RBM17: variants seen among roughly 807,000 people sequenced by gnomAD.
RBM17 encodes the protein splicing factor 45.
In RBM17, 7 loss-of-function variants were observed where a neutral mutation model predicts 53.2. The ratio of observed to expected loss-of-function variants is 0.13; its 90% CI spans 0.07 to 0.25. The LOEUF is 0.25. Ranked by LOEUF, RBM17 falls within the 10% of genes least tolerant of loss-of-function variation. The probability of loss-of-function intolerance (pLI) is 1.00; values close to 1 mark genes in which losing one functional copy is unlikely to be tolerated. For synonymous variants in RBM17, 167 were observed against 178.1 expected, an observed-to-expected ratio of 0.94 and a Z score of 0.50; for missense variants, 257 against 496.7, an observed-to-expected ratio of 0.52 and a Z score of 4.59.
intron 7 of RBM17, among the ~76,000 whole-genome samples, chr10:6,111,467 G>A (rs1840836492): frequency 6.6e-6 from 1 of 152,248 alleles, no homozygotes; most frequent in Non-Finnish European, 1.5e-5. Context: ...AGCCTGCCAA[G>A]TAGCTGGGAC....
At chr10:6,108,466 G>C in intron 5 of RBM17, 1 of 498,758 alleles carries the variant, frequency 2.0e-6, no homozygotes, top group Non-Finnish European at 3.6e-6. Context: ...TTTTATGAAG[G>C]AACAATTTTG....
At chr10:6,098,563 G>GTCTTTTTTTTT (rs1554834988) in intron 2 of RBM17, among the ~76,000 whole-genome samples, 1 of 46,642 alleles carries the variant, frequency 2.1e-5, no homozygotes. Context: ...CAGGTTTTTT[G>GTCTTTTTTTTT]TTTTTTTTTT....
rs572609819 is a variant in RBM17, at chr10:6,096,738, A to G, written c.-18-310A>G. Among the ~76,000 whole-genome samples, 20 of 152,304 alleles carry G rather than the reference A, an allele frequency of 1.3e-4. No individual in the cohort carries two copies. In the South Asian group the frequency reaches 4.1e-3, roughly 32 times the overall value. On this transcript the variant is annotated intron_variant, in intron 1 of 11. Coordinates refer to ENST00000379888, the MANE Select transcript of RBM17 (RefSeq NM_032905.5). ...AAATAGAATTTTTTAAAAATTGGATATATGTAATTAATAATGTTCCAATTC... is the reference window on the plus strand; with the variant it reads ...AAATAGAATTTTTTAAAAATTGGATGTATGTAATTAATAATGTTCCAATTC...
intron 5 of RBM17, among the ~76,000 whole-genome samples, chr10:6,106,614 A>G (rs1283483984): frequency 6.6e-6 from 1 of 152,188 alleles, no homozygotes; most frequent in East Asian, 1.9e-4. Context: ...ATTGTGACAC[A>G]TTTCATATCC....
chr10:6,108,421 C>G (rs965981632), intron 5 of RBM17: 35 of 457,732 alleles, frequency 7.6e-5, no homozygotes, highest in Non-Finnish European at 1.2e-4. Context: ...CCTTAAAATT[C>G]ATTTGCAGAC....
chr10:6,096,352 G>T (rs1840574407), intron 1 of RBM17, among the ~76,000 whole-genome samples: 1 of 152,160 alleles, frequency 6.6e-6, no homozygotes, highest in Non-Finnish European at 1.5e-5. Flanking sequence ...ATGCTGCATT[G>T]CATGTCATGC....
At chr10:6,098,746 C>G (rs1840623186) in intron 2 of RBM17, among the ~76,000 whole-genome samples, 1 of 152,002 alleles carries the variant, frequency 6.6e-6, no homozygotes, top group East Asian at 1.9e-4. Flanking sequence ...TGCGGTGTTT[C>G]ACCTTGTAAG....
chr10:6,091,031 T>TTATATATTTG (rs1554834370), intron 1 of RBM17, among the ~76,000 whole-genome samples: 1 of 145,516 alleles, frequency 6.9e-6, no homozygotes, highest in Non-Finnish European at 1.5e-5. Flanking sequence ...TTATATATAT[T>TTATATATTTG]TATATATTTT....
At chr10:6,096,411 C>T (rs1840575436) in intron 1 of RBM17, among the ~76,000 whole-genome samples, 1 of 152,166 alleles carries the variant, frequency 6.6e-6, no homozygotes, top group Non-Finnish European at 1.5e-5. Flanking sequence ...CTCTGTTCTG[C>T]ACGGAAGCTG....
rs959197414 is a variant in RBM17 at position 6,103,282 on chromosome 10, G to A, written c.241-1649G>A. ...TACCCCATCCTCCCCCCTCAGCATT[G>A]AGGGTATTAACATTTTAATTTTTTT... On this transcript the variant is annotated intron_variant, in intron 3 of 11. Transcript: ENST00000379888. Among the ~76,000 whole-genome samples, 3 of 152,136 alleles carry A rather than the reference G, an allele frequency of 2.0e-5. No individual in the cohort carries two copies. The South Asian group carries it at 6.2e-4, about 31-fold the overall frequency.
chr10:6,091,589 T>C (rs994546321), intron 1 of RBM17, among the ~76,000 whole-genome samples: 1 of 152,242 alleles, frequency 6.6e-6, no homozygotes, highest in African/African-American at 2.4e-5. Flanking sequence ...AAAGCAGATC[T>C]GCAGATCTCA....
chr10:6,106,628 A>C (rs570468085), intron 5 of RBM17, among the ~76,000 whole-genome samples: 1 of 152,184 alleles, frequency 6.6e-6, no homozygotes, highest in Non-Finnish European at 1.5e-5. Context: ...CATATCCGCT[A>C]TCTTAGTTAA....
chr10:6,093,617 T>C (rs41295131), intron 1 of RBM17, among the ~76,000 whole-genome samples: 3,883 of 152,352 alleles, frequency 0.025, 105 homozygotes, highest in South Asian at 0.11. Context: ...CGAAGTTTAA[T>C]GGGCATTTGG....
intron 1 of RBM17, among the ~76,000 whole-genome samples, chr10:6,093,700 G>T (rs925735034): frequency 6.6e-6 from 1 of 152,140 alleles, no homozygotes; most frequent in Non-Finnish European, 1.5e-5. Context: ...AAAGAGAAAT[G>T]GGTTGAGTAT....
chr10:6,096,694 T>C (rs1404341432), intron 1 of RBM17, among the ~76,000 whole-genome samples: 10 of 152,220 alleles, frequency 6.6e-5, no homozygotes, highest in Non-Finnish European at 2.9e-5. Context: ...GTAAAGCTTC[T>C]ACTTTTTGGC....
intron 3 of RBM17, among the ~76,000 whole-genome samples, chr10:6,104,288 A>G (rs1164113376): frequency 6.6e-6 from 1 of 152,210 alleles, no homozygotes; most frequent in Non-Finnish European, 1.5e-5. Context: ...GAATGTATAG[A>G]CGAGAAAACA....
chr10:6,112,108 C>A lies in RBM17; in HGVS notation c.705-102C>A. On this transcript the variant is annotated intron_variant, in intron 7 of 11. Coordinates refer to ENST00000379888, the MANE Select transcript of RBM17 (RefSeq NM_032905.5). The surrounding 1 kb of genome is among the most constrained non-coding windows in gnomAD (Gnocchi z 4.4). ...TGACTTTGTTGAAGCCCCTGTGGAG[C>A]ATGCACTCTCTCCAGAAGGAGGTTG... is the stretch of plus-strand genomic sequence containing the variant. 1 of 1,192,306 alleles carries A rather than the reference C, an allele frequency of 8.4e-7. No individual in the cohort carries two copies. Among genetic ancestry groups the A allele is most frequent in the Non-Finnish European group, 1.2e-6 (1 of 836,234 alleles). 73.9% of individuals were successfully genotyped at this position (1,192,306 alleles called of 1,614,324 possible). A position where few individuals can be genotyped will look rare whatever the true frequency, so the allele number is the denominator to read the frequency against.
Position 6,108,719 on chromosome 10 carries a change from C to T in RBM17, c.539C>T (p.Ser180Phe). The T allele has an allele frequency of 6.2e-7, 1 of 1,612,764 alleles. No homozygotes were observed. The highest frequency in any genetic ancestry group is 8.5e-7 in the Non-Finnish European group (1 of 1,179,544). The change falls in exon 6 of 12, where the codon TCT (serine) becomes TTT (phenylalanine). Residue 180 changes from serine (S) to phenylalanine (F), a missense_variant. Physicochemically the swap from Ser to Phe is radical, Grantham distance 155. Transcript: ENST00000379888. ...GGAGCTGCCATTGCCCCACCCACTT[C>T]TCTGGTAGAGAAAGACAAAGAGTGT... ...MGGAAIAPPTSLVEKDKELPR... is the reference protein window; with the variant it reads ...MGGAAIAPPTFLVEKDKELPR...
intron 2 of RBM17, among the ~76,000 whole-genome samples, chr10:6,099,603 T>G (rs1466076679): frequency 1.3e-5 from 2 of 152,212 alleles, no homozygotes; most frequent in African/African-American, 2.4e-5. Context: ...TAACACAATG[T>G]AAATGCTGTG....
Sources: allele counts gnomAD v4.1 joint callset (sites outside exome capture counted in the v4.1 genomes callset), GRCh38; gene constraint gnomAD v4.1.1; non-coding constraint Gnocchi (gnomAD v3.1); transcripts MANE v1.5; gene names NCBI Gene and HGNC (gene_info 2026-07-23, HGNC 2026-07-21).